Variants in HOMER1 observed in about 807,000 individuals in gnomAD.
The protein encoded by HOMER1 is homer protein homolog 1.
A neutral mutation model predicts 48.9 loss-of-function variants in HOMER1; 3 were observed. The observed-to-expected ratio is 0.06, with a 90% CI of 0.03 to 0.16. The LOEUF is 0.16. Ranked by LOEUF, HOMER1 falls within the 10% of genes least tolerant of loss-of-function variation. The probability of loss-of-function intolerance (pLI) is 1.00; values close to 1 mark genes in which losing one functional copy is unlikely to be tolerated. For missense variants in HOMER1, 247 were observed against 411.4 expected (o/e 0.60, Z 3.46); for synonymous variants, 134 against 146.4 (o/e 0.92, Z 0.61).
chr5:79,411,975 C>T (rs1407463855), intron 5 of HOMER1, among the ~76,000 whole-genome samples: 11 of 151,918 alleles, frequency 7.2e-5, no homozygotes, highest in Non-Finnish European at 1.2e-4. Flanking sequence ...AAAAATTAGC[C>T]GGGTGTGGTG....
chr5:79,450,926 T>C (rs1751011256), intron 3 of HOMER1, 64 bp downstream of exon 3: 13 of 1,479,222 alleles, frequency 8.8e-6, no homozygotes, highest in Non-Finnish European at 1.0e-5. Context: ...CATTTGGTAT[T>C]ATATATTTAA....
At chr5:79,379,379 TA>T (rs1748898098) in intron 8 of HOMER1, among the ~76,000 whole-genome samples, 1 of 115,190 alleles carries the variant, frequency 8.7e-6, no homozygotes, top group Admixed American at 1.2e-4. Context: ...TATATTTATA[TA>T]TTTTATATAT....
At chr5:79,391,482 T>C (rs890791713) in intron 8 of HOMER1, among the ~76,000 whole-genome samples, 11 of 151,298 alleles carry the variant, frequency 7.3e-5, no homozygotes, top group East Asian at 6.0e-4. Context: ...CAGTGGCTCA[T>C]GCCTGTAATC....
intron 1 of HOMER1, among the ~76,000 whole-genome samples, chr5:79,490,874 G>T (rs1752252755): frequency 6.6e-6 from 1 of 151,200 alleles, no homozygotes. Context: ...AGAATCCCTT[G>T]AGCCCAGGAG....
intron 1 of HOMER1, among the ~76,000 whole-genome samples, chr5:79,497,250 A>T (rs994504516): frequency 1.3e-5 from 2 of 152,164 alleles, no homozygotes; most frequent in Non-Finnish European, 2.9e-5. Flanking sequence ...AATATCAAAA[A>T]GCAGAACTCT....
At chr5:79,500,258 T>C (rs949970939) in intron 1 of HOMER1, among the ~76,000 whole-genome samples, 2 of 152,132 alleles carry the variant, frequency 1.3e-5, no homozygotes, top group Admixed American at 1.3e-4. Flanking sequence ...CACAGCTATT[T>C]AATATGAATC....
At chr5:79,441,103 C>T (rs1197654570) in intron 4 of HOMER1, among the ~76,000 whole-genome samples, 1 of 151,812 alleles carries the variant, frequency 6.6e-6, no homozygotes. Context: ...GAGGTTCCAG[C>T]GAGCCGAGAT....
At chr5:79,462,475 G>A (rs542444779) in intron 1 of HOMER1, among the ~76,000 whole-genome samples, 1 of 152,216 alleles carries the variant, frequency 6.6e-6, no homozygotes, top group South Asian at 2.1e-4. Flanking sequence ...TATGGATGTG[G>A]AAAACTGGAA....
chr5:79,483,641 A>G (rs1752007259), intron 1 of HOMER1, among the ~76,000 whole-genome samples: 1 of 152,080 alleles, frequency 6.6e-6, no homozygotes, highest in South Asian at 2.1e-4. Flanking sequence ...TTCCATATAG[A>G]TATCTGGATC....
intron 1 of HOMER1, among the ~76,000 whole-genome samples, chr5:79,502,195 T>G (rs939166195): frequency 1.3e-5 from 2 of 152,024 alleles, no homozygotes; most frequent in East Asian, 1.9e-4. Context: ...AACTTTTGTA[T>G]TTTTAGTAGA....
chr5:79,402,079 T>C (rs1749548024), intron 5 of HOMER1, 24 bp from the exon 6 acceptor site: 1 of 1,599,402 alleles, frequency 6.3e-7, no homozygotes, highest in Admixed American at 1.7e-5. Flanking sequence ...AAAAGAAAAT[T>C]CTATCCATTA....
At chr5:79,457,886 T>C (rs191641724) in intron 1 of HOMER1, among the ~76,000 whole-genome samples, 1 of 152,304 alleles carries the variant, frequency 6.6e-6, no homozygotes, top group African/African-American at 2.4e-5. Flanking sequence ...TATTTGACTC[T>C]TACAAAGTTA....
intron 5 of HOMER1, among the ~76,000 whole-genome samples, chr5:79,406,628 A>G (rs561453615): frequency 6.6e-6 from 1 of 152,332 alleles, no homozygotes; most frequent in South Asian, 2.1e-4. Flanking sequence ...CCAAAATCTT[A>G]AACCAATGGG....
At chr5:79,509,968 A>C (rs1024477305) in intron 1 of HOMER1, among the ~76,000 whole-genome samples, 9 of 152,236 alleles carry the variant, frequency 5.9e-5, no homozygotes, top group African/African-American at 2.2e-4. Context: ...TGGATTGCCA[A>C]GGTAAAGCTT....
intron 1 of HOMER1, among the ~76,000 whole-genome samples, chr5:79,484,630 T>A (rs779717795): frequency 5.9e-5 from 9 of 152,320 alleles, no homozygotes; most frequent in Non-Finnish European, 1.2e-4. Context: ...ATGATGCTTA[T>A]AAGAAAACCA....
At chr5:79,490,958 T>A (rs1048933031) in intron 1 of HOMER1, among the ~76,000 whole-genome samples, 1 of 148,420 alleles carries the variant, frequency 6.7e-6, no homozygotes, top group Non-Finnish European at 1.5e-5. Flanking sequence ...GATAAATAGA[T>A]AAGTTTCTTG....
At chr5:79,454,638 A>C (rs1580461614) in intron 2 of HOMER1, among the ~76,000 whole-genome samples, 1 of 152,208 alleles carries the variant, frequency 6.6e-6, no homozygotes, top group African/African-American at 2.4e-5. Flanking sequence ...TATTCAAGTA[A>C]ATACATATTA....
intron 1 of HOMER1, among the ~76,000 whole-genome samples, chr5:79,488,798 A>G (rs1752190070): frequency 6.6e-6 from 1 of 152,226 alleles, no homozygotes; most frequent in Non-Finnish European, 1.5e-5. Flanking sequence ...TTAAAGCTAG[A>G]TGGGGCACAT....
At chr5:79,414,757 T>A (rs1749900357) in intron 5 of HOMER1, among the ~76,000 whole-genome samples, 1 of 152,132 alleles carries the variant, frequency 6.6e-6, no homozygotes, top group South Asian at 2.1e-4. Context: ...TCTTAATGTA[T>A]GCCTTGATAA....
Sources: allele counts gnomAD v4.1 joint callset (sites outside exome capture counted in the v4.1 genomes callset), GRCh38; gene constraint gnomAD v4.1.1; transcripts MANE v1.5; gene names NCBI Gene and HGNC (gene_info 2026-07-23, HGNC 2026-07-21).